PIEZO2: variants seen among roughly 807,000 people sequenced by gnomAD.
PIEZO2 encodes the protein piezo type mechanosensitive ion channel component 2.
PIEZO2 carries 172 observed loss-of-function variants against 337.3 expected under a neutral mutation model. The observed-to-expected ratio is 0.51, with a 90% CI of 0.45 to 0.58. The LOEUF (loss-of-function observed/expected upper bound fraction) is 0.58, where lower values mean the gene tolerates loss of function less well. PIEZO2 is among the 20% of genes least tolerant of loss of function. The pLI is 0.00. For missense variants in PIEZO2, 3,028 were observed against 3,391.3 expected (o/e 0.89, Z 2.66); for synonymous variants, 1,251 against 1,228.5 (o/e 1.02, Z -0.38).
chr18:10,951,358 C>T (rs1231868664), intron 3 of PIEZO2, among the ~76,000 whole-genome samples: 4 of 152,176 alleles, frequency 2.6e-5, no homozygotes, highest in South Asian at 2.1e-4. Flanking sequence ...TGAAATCTGA[C>T]GATTAAGTTG....
chr18:10,755,208 C>T (rs1366007717), intron 27 of PIEZO2, among the ~76,000 whole-genome samples: 3 of 152,142 alleles, frequency 2.0e-5, no homozygotes, highest in Non-Finnish European at 4.4e-5. Flanking sequence ...ACAGGAATCT[C>T]TGGAAGATCG....
intron 27 of PIEZO2, among the ~76,000 whole-genome samples, chr18:10,757,040 T>C (rs1008163920): frequency 1.1e-5 from 1 of 88,254 alleles, no homozygotes. Flanking sequence ...GGAATGGGGA[T>C]AAAATGAGCT....
intron 14 of PIEZO2, among the ~76,000 whole-genome samples, chr18:10,790,679 A>C (rs1458766905): frequency 2.7e-5 from 4 of 150,560 alleles, no homozygotes. Flanking sequence ...TTCATTGGGA[A>C]TCACCTTCGT....
rs1487514110 is a variant in PIEZO2, at chr18:10,766,702, TG to T, written c.2946+3445del. On this transcript the variant is annotated intron_variant, in intron 21 of 55. Coordinates refer to ENST00000674853, the MANE Select transcript of PIEZO2 (RefSeq NM_001378183.1). This position sits in a 1 kb window ranked among gnomAD's most constrained non-coding sequence, Gnocchi z 6.1. ...CGCCTGCAAGAGATACTCCTCCCTG[TG>T]CAGCAAGTGCTCACTGTGGACACCT... 6.6e-6 allele frequency among the ~76,000 whole-genome samples: 1 copy of T among 152,212 alleles called. No homozygotes were observed. The highest frequency in any genetic ancestry group is 6.5e-5 in the Admixed American group (1 of 15,282).
At position 10,729,839 on chromosome 18, in the gene PIEZO2, T is replaced by C. The variant is rs140475721; in HGVS notation, c.5029+1568A>G. Among the ~76,000 whole-genome samples, 336 of 152,306 alleles carry C rather than the reference T, an allele frequency of 2.2e-3. 1 individual carries two copies. Among genetic ancestry groups the C allele is most frequent in the African/African-American group, 7.5e-3 (311 of 41,570 alleles). On this transcript the variant is annotated intron_variant, in intron 36 of 55. Coordinates refer to ENST00000674853, the MANE Select transcript of PIEZO2 (RefSeq NM_001378183.1). ...TACTCTGACTTCATTTGTTTCATGA[T>C]TTCATAATGTGCGTGCCATTTGCAG... is the stretch of plus-strand genomic sequence containing the variant.
chr18:10,967,990 T>C (rs988145965), intron 3 of PIEZO2, among the ~76,000 whole-genome samples: 2 of 152,186 alleles, frequency 1.3e-5, no homozygotes, highest in African/African-American at 4.8e-5. Flanking sequence ...TCGTTTTTGT[T>C]GCATTTGCTT....
intron 4 of PIEZO2, among the ~76,000 whole-genome samples, chr18:10,902,575 G>A (rs1387048808): frequency 6.6e-6 from 1 of 152,056 alleles, no homozygotes; most frequent in East Asian, 1.9e-4. Flanking sequence ...TCCCAAAAAC[G>A]TATGAGCCAC....
intron 3 of PIEZO2, among the ~76,000 whole-genome samples, chr18:10,916,315 G>A (rs1374983649): frequency 3.3e-5 from 5 of 152,188 alleles, no homozygotes; most frequent in African/African-American, 4.8e-5. Context: ...GTGGCCGATG[G>A]GACCAGGAGC....
chr18:11,073,423 C>G (rs1209029147), intron 1 of PIEZO2, among the ~76,000 whole-genome samples: 1 of 152,192 alleles, frequency 6.6e-6, no homozygotes, highest in Non-Finnish European at 1.5e-5. Flanking sequence ...GGGAAGCCAG[C>G]TGCTGTGCTA....
chr18:10,694,777 G>A (rs958206308), intron 47 of PIEZO2, among the ~76,000 whole-genome samples: 1 of 152,182 alleles, frequency 6.6e-6, no homozygotes, highest in Non-Finnish European at 1.5e-5. Flanking sequence ...CAAGGTTGCA[G>A]TGAGCTATGA....
At chr18:11,056,604 C>T (rs1276602339) in intron 2 of PIEZO2, among the ~76,000 whole-genome samples, 1 of 151,956 alleles carries the variant, frequency 6.6e-6, no homozygotes, top group Non-Finnish European at 1.5e-5. Context: ...GGGGATGGAC[C>T]AAAAGGAATG....
intron 3 of PIEZO2, among the ~76,000 whole-genome samples, chr18:10,964,320 G>A (rs1160537305): frequency 6.6e-6 from 1 of 151,882 alleles, no homozygotes; most frequent in Non-Finnish European, 1.5e-5. Context: ...TAGGGACAAT[G>A]GATTATAATA....
chr18:10,900,797 G>C (rs140474203), intron 4 of PIEZO2, among the ~76,000 whole-genome samples: 1 of 152,178 alleles, frequency 6.6e-6, no homozygotes, highest in Non-Finnish European at 1.5e-5. Flanking sequence ...TCCTACTTCT[G>C]CCTCCACACA....
intron 4 of PIEZO2, among the ~76,000 whole-genome samples, chr18:10,874,988 G>C (rs1026004140): frequency 6.6e-6 from 1 of 152,022 alleles, no homozygotes; most frequent in Non-Finnish European, 1.5e-5. Context: ...ACAAAGAAAT[G>C]GTAAATGTTT....
Position 11,109,413 on chromosome 18 carries a change from T to C in PIEZO2, c.64+39112A>G, listed in dbSNP as rs1450561770. The stretch of plus-strand genomic sequence containing the variant: ...GGGAGCTGGGGGGTGTAGCTCTGAT[T>C]TCAGTATGGAATTAGAAATAGGCCA... On this transcript the variant is annotated intron_variant, in intron 1 of 55. Transcript: ENST00000674853. This position sits in a 1 kb window ranked among gnomAD's most constrained non-coding sequence, Gnocchi z 5.1. Among the ~76,000 whole-genome samples the C allele has an allele frequency of 3.9e-5, 6 of 152,134 alleles. No homozygotes were observed. The highest frequency in any genetic ancestry group is 7.4e-5 in the Non-Finnish European group (5 of 68,022).
intron 3 of PIEZO2, among the ~76,000 whole-genome samples, chr18:10,913,520 T>A (rs1031389686): frequency 6.6e-6 from 1 of 152,194 alleles, no homozygotes; most frequent in African/African-American, 2.4e-5. Flanking sequence ...ATTTTCAGTA[T>A]TATTCTTATT....
chr18:10,753,118 AAAC>A (rs1456093165), intron 27 of PIEZO2, among the ~76,000 whole-genome samples: 3 of 152,234 alleles, frequency 2.0e-5, no homozygotes, highest in South Asian at 2.1e-4. Flanking sequence ...AATTTCTCAC[AAAC>A]AACAACATTT....
At position 10,953,465 on chromosome 18, in the gene PIEZO2, TA is replaced by T. The variant is rs1009618881; in HGVS notation, c.286+26069del. 3.3e-5 allele frequency among the ~76,000 whole-genome samples: 5 copies of T among 152,274 alleles called. No individual in the cohort carries two copies. The highest frequency in any genetic ancestry group is 3.9e-4 in the East Asian group (2 of 5,176). ...AAGAATTTAAGTTCTTTTTTTAATA[TA>T]AAAAAACACTATTGTTGAAAAGTGT... On this transcript the variant is annotated intron_variant, in intron 3 of 55. Coordinates refer to ENST00000674853, the MANE Select transcript of PIEZO2 (RefSeq NM_001378183.1). The surrounding 1 kb of genome is among the most constrained non-coding windows in gnomAD (Gnocchi z 5.2).
intron 7 of PIEZO2, among the ~76,000 whole-genome samples, chr18:10,831,952 G>C (rs2040855005): frequency 6.6e-6 from 1 of 152,162 alleles, no homozygotes; most frequent in South Asian, 2.1e-4. Context: ...AGCTTGGAAA[G>C]CACTGATTAG....
Sources: gnomAD v4.1 joint callset for allele counts (sites outside exome capture counted in the v4.1 genomes callset) on GRCh38, gnomAD v4.1.1 for gene constraint, Gnocchi (gnomAD v3.1) non-coding constraint, MANE v1.5 for transcripts, NCBI Gene and HGNC (gene_info 2026-07-23, HGNC 2026-07-21) for gene names.